Variants in DOCK8 observed in about 807,000 individuals in gnomAD.
DOCK8 encodes dedicator of cytokinesis protein 8.
DOCK8 carries 141 observed loss-of-function variants against 245.6 expected under a neutral mutation model. The observed-to-expected ratio is 0.57, with a 90% CI of 0.50 to 0.66. The LOEUF (loss-of-function observed/expected upper bound fraction) is 0.66. Ranked by LOEUF, DOCK8 falls within the 30% of genes least tolerant of loss-of-function variation. DOCK8 has a pLI of 0.00. For synonymous variants in DOCK8, 1,168 were observed against 970.2 expected (o/e 1.20, Z -3.79); for missense variants, 2,965 against 2,603.4 (o/e 1.14, Z -3.02).
chr9:289,150 G>T (rs2048938859), intron 3 of DOCK8, among the ~76,000 whole-genome samples: 1 of 152,160 alleles, frequency 6.6e-6, no homozygotes, highest in Non-Finnish European at 1.5e-5. Context: ...TAAAAAATAT[G>T]TCCAAATTAC....
chr9:438,401 G>A (rs1255746917), intron 39 of DOCK8, among the ~76,000 whole-genome samples: 1 of 152,178 alleles, frequency 6.6e-6, no homozygotes. Context: ...TCCCTAAACT[G>A]GGAAGGTTTC....
intron 7 of DOCK8, among the ~76,000 whole-genome samples, chr9:322,647 C>T (rs1237390668): frequency 6.6e-6 from 1 of 152,224 alleles, no homozygotes; most frequent in Non-Finnish European, 1.5e-5. Context: ...AATGTCAATT[C>T]TCTTTTTCTT....
chr9:401,865 A>T (rs1486368417), intron 26 of DOCK8, among the ~76,000 whole-genome samples: 2 of 152,174 alleles, frequency 1.3e-5, no homozygotes, highest in Non-Finnish European at 2.9e-5. Context: ...GCAGAATAAT[A>T]AAAAAGAATC....
At chr9:316,957 G>A in intron 6 of DOCK8, 86 bp from the exon 7 acceptor site, 1 of 1,053,030 alleles carries the variant, frequency 9.5e-7, no homozygotes, top group East Asian at 2.4e-5. Flanking sequence ...AGCCGTGGAG[G>A]GTAGCCTTCC....
chr9:334,680 CT>C (rs1563933662), intron 11 of DOCK8, among the ~76,000 whole-genome samples: 1 of 151,986 alleles, frequency 6.6e-6, no homozygotes. Flanking sequence ...AAAAGTAAAA[CT>C]TTAACAAGAA....
Position 215,002 on chromosome 9 carries a change from G to A in DOCK8, c.26G>A (p.Arg9His). 1 of 1,595,730 alleles carries A rather than the reference G, an allele frequency of 6.3e-7. No homozygotes were observed. The highest frequency in any genetic ancestry group is 8.5e-7 in the Non-Finnish European group (1 of 1,175,478). Residue 9 changes from arginine to histidine, a missense_variant, in exon 1 of 48, where the codon CGC becomes CAC. Physicochemically the swap from Arg to His is conservative, Grantham distance 29. This residue lies in a region of DOCK8 where 2,825 missense variants were observed against 2,453.5 expected (regional missense o/e 1.15). Transcript: ENST00000432829. The stretch of plus-strand genomic sequence containing the variant: ...ATGGCCACTCTGCCGAGCGCAGAGC[G>A]CCGCGCGTTCGCGCTCAAGATCAAC... Reference protein sequence around the residue: MATLPSAERRAFALKINRY... With the variant: MATLPSAEHRAFALKINRY...
At chr9:396,026 A>G (rs1267672249) in intron 24 of DOCK8, among the ~76,000 whole-genome samples, 1 of 152,134 alleles carries the variant, frequency 6.6e-6, no homozygotes, top group Non-Finnish European at 1.5e-5. Context: ...ATCTATATAG[A>G]GATACTAGAT....
chr9:217,515 G>C (rs574239369), intron 1 of DOCK8, among the ~76,000 whole-genome samples: 1 of 152,142 alleles, frequency 6.6e-6, no homozygotes, highest in African/African-American at 2.4e-5. Flanking sequence ...AAGTATAAAA[G>C]GTTCTATAAT....
chr9:405,984 C>T (rs894664912), intron 27 of DOCK8, among the ~76,000 whole-genome samples: 13 of 152,160 alleles, frequency 8.5e-5, no homozygotes, highest in African/African-American at 2.4e-4. Flanking sequence ...TTCTGACTGC[C>T]CCAGGGAGTG....
At chr9:281,562 G>A (rs2048585211) in intron 2 of DOCK8, among the ~76,000 whole-genome samples, 1 of 152,086 alleles carries the variant, frequency 6.6e-6, no homozygotes, top group Non-Finnish European at 1.5e-5. Flanking sequence ...CTGCTGAAAT[G>A]CAATGCCACT....
In DOCK8 at chr9:421,860, A is replaced by G. The variant is rs2297080; in HGVS notation, c.4154-188A>G. Among the ~76,000 whole-genome samples, 21,769 of 152,076 alleles carry G rather than the reference A, an allele frequency of 0.14. 2,145 individuals carry two copies. Among genetic ancestry groups the G allele is most frequent in the East Asian group, 0.48 (2,482 of 5,156 alleles). ...AGAGGTTCTTCTTATATTCTAGTCT[A>G]TCAATCAAAGAGCGGGCCAACTTGG... On this transcript the variant is annotated intron_variant, in intron 32 of 47. Transcript: ENST00000432829.
intron 6 of DOCK8, 143 bp downstream of exon 6, chr9:312,309 C>T (rs993215106): frequency 2.1e-6 from 2 of 944,308 alleles, no homozygotes; most frequent in African/African-American, 1.6e-5. Flanking sequence ...GTTTTTCACT[C>T]AGGCAAGCCT....
chr9:445,928 TGTA>T (rs1253272932), intron 43 of DOCK8, among the ~76,000 whole-genome samples: 1 of 152,236 alleles, frequency 6.6e-6, no homozygotes, highest in Admixed American at 6.5e-5. Flanking sequence ...CCACCCTCTG[TGTA>T]TGACAGCTCT....
At chr9:443,857 A>G (rs2057167454) in intron 43 of DOCK8, among the ~76,000 whole-genome samples, 1 of 152,190 alleles carries the variant, frequency 6.6e-6, no homozygotes, top group African/African-American at 2.4e-5. Flanking sequence ...GGAAGAGTCA[A>G]GCAAGTTTCA....
intron 4 of DOCK8, among the ~76,000 whole-genome samples, chr9:301,890 G>C (rs2049560813): frequency 6.6e-6 from 1 of 151,844 alleles, no homozygotes; most frequent in African/African-American, 2.4e-5. Flanking sequence ...TGGATAGGAA[G>C]AATCAATATT....
At chr9:239,096 T>C (rs1212725220) in intron 1 of DOCK8, among the ~76,000 whole-genome samples, 1 of 152,226 alleles carries the variant, frequency 6.6e-6, no homozygotes. Context: ...GGAATTGATT[T>C]ATTTTCTCAT....
intron 13 of DOCK8, among the ~76,000 whole-genome samples, chr9:339,622 C>A (rs141185740): frequency 6.6e-6 from 1 of 152,326 alleles, no homozygotes; most frequent in Non-Finnish European, 1.5e-5. Context: ...TCAAGTGATT[C>A]TCCTGCCTCA....
intron 7 of DOCK8, among the ~76,000 whole-genome samples, chr9:324,398 C>G (rs1483146636): frequency 1.3e-5 from 2 of 152,244 alleles, no homozygotes; most frequent in East Asian, 1.9e-4. Flanking sequence ...TCCTGGTGCT[C>G]TCTGCAGGTA....
intron 33 of DOCK8, among the ~76,000 whole-genome samples, chr9:424,829 G>C (rs891094115): frequency 1.3e-5 from 2 of 152,142 alleles, no homozygotes; most frequent in African/African-American, 4.8e-5. Flanking sequence ...TTTATGTTAG[G>C]TGTACTTTAT....
Sources: gnomAD v4.1 joint callset for allele counts (sites outside exome capture counted in the v4.1 genomes callset) on GRCh38, gnomAD v4.1.1 for gene constraint, gnomAD v4.1.1 regional missense constraint, MANE v1.5 for transcripts, NCBI Gene and HGNC (gene_info 2026-07-23, HGNC 2026-07-21) for gene names.